Variants in SYT1 observed in about 807,000 individuals in gnomAD.
The protein encoded by SYT1 is synaptotagmin 1, also known as synaptotagmin-1.
Under a neutral mutation model 44.8 loss-of-function variants are expected in SYT1, and 8 were observed. The ratio of observed to expected loss-of-function variants is 0.18; its 90% CI spans 0.10 to 0.32. SYT1 has a LOEUF of 0.32. SYT1 is among the 10% of genes least tolerant of loss of function. SYT1 has a pLI of 1.00. For missense variants in SYT1, 286 were observed against 509.3 expected (o/e 0.56, Z 4.22); for synonymous variants, 154 against 188.8 (o/e 0.82, Z 1.51).
intron 2 of SYT1, among the ~76,000 whole-genome samples, chr12:78,997,465 T>A (rs1306175462): frequency 1.3e-5 from 2 of 152,184 alleles, no homozygotes; most frequent in African/African-American, 4.8e-5. Context: ...TAAATAATTA[T>A]GCCTTGAGAG....
At chr12:79,220,257 G>A (rs1459046457) in intron 4 of SYT1, among the ~76,000 whole-genome samples, 1 of 151,888 alleles carries the variant, frequency 6.6e-6, no homozygotes, top group African/African-American at 2.4e-5. Context: ...TGTATCAGTT[G>A]CAATATCTCC....
intron 4 of SYT1, among the ~76,000 whole-genome samples, chr12:79,276,721 C>T (rs758520469): frequency 1.7e-4 from 25 of 150,668 alleles, no homozygotes; most frequent in Non-Finnish European, 3.0e-4. Flanking sequence ...AAAAGACTTG[C>T]TTAGGGAATT....
intron 3 of SYT1, among the ~76,000 whole-genome samples, chr12:79,104,456 G>C (rs1257975860): frequency 1.3e-5 from 2 of 151,996 alleles, no homozygotes; most frequent in African/African-American, 2.4e-5. Context: ...AGAAAAAAGT[G>C]ACCATAAAAA....
rs1462065302 is a variant in SYT1, at chr12:79,397,824, T to A, written c.928+44205T>A. Among the ~76,000 whole-genome samples, 3 of 152,210 alleles carry A rather than the reference T, an allele frequency of 2.0e-5. No homozygotes were observed. In the East Asian group the frequency reaches 5.8e-4, roughly 29 times the overall value. ...CCTGATAGATTTTTCCGAGTATATG[T>A]GAACTCCTAATCCAAACAGCTTTTC... On this transcript the variant is annotated intron_variant, in intron 9 of 10. Transcript: ENST00000261205.
chr12:78,986,618 T>C (rs2137463421), intron 2 of SYT1, among the ~76,000 whole-genome samples: 1 of 152,152 alleles, frequency 6.6e-6, no homozygotes, highest in Middle Eastern at 3.4e-3. Context: ...GCATTTCTCC[T>C]GACAGGGGAA....
At chr12:79,147,733 G>A (rs1406266697) in intron 3 of SYT1, among the ~76,000 whole-genome samples, 5 of 152,080 alleles carry the variant, frequency 3.3e-5, no homozygotes, top group African/African-American at 1.2e-4. Context: ...TATACCTAAT[G>A]AGTTCATAAA....
rs549335401 is a variant in SYT1, at chr12:79,419,121, C to T, written c.929-24952C>T. 3.9e-4 allele frequency: 146 copies of T among 376,476 alleles called. 3 individuals are homozygous for T. Among genetic ancestry groups the T allele is most frequent in the African/African-American group, 2.3e-3 (108 of 45,988 alleles). 23.3% of individuals were successfully genotyped at this position (376,476 alleles called of 1,614,324 possible). On this transcript the variant is annotated intron_variant, in intron 9 of 10. Transcript: ENST00000261205. The stretch of plus-strand genomic sequence containing the variant: ...TGAGTCTTACTTATTTTAGGCAAAA[C>T]GAAACCAATAGAAAGTTTTGCCTTT...
intron 3 of SYT1, among the ~76,000 whole-genome samples, chr12:79,150,467 T>A (rs1260063893): frequency 6.6e-6 from 1 of 152,180 alleles, no homozygotes; most frequent in Non-Finnish European, 1.5e-5. Flanking sequence ...GTAGTGGGAC[T>A]TTGGTCAAAG....
chr12:79,289,748 A>G (rs949573764), intron 5 of SYT1, among the ~76,000 whole-genome samples: 2 of 152,118 alleles, frequency 1.3e-5, no homozygotes, highest in Non-Finnish European at 2.9e-5. Context: ...TTTTTTAAAA[A>G]CCAAAATCTT....
At chr12:78,966,849 CATT>C (rs1288300589) in intron 1 of SYT1, among the ~76,000 whole-genome samples, 2 of 152,078 alleles carry the variant, frequency 1.3e-5, no homozygotes, top group Non-Finnish European at 2.9e-5. Context: ...TAAGAGAAAT[CATT>C]GTTGATTTCT....
chr12:78,898,909 G>A (rs1044284882), intron 1 of SYT1, among the ~76,000 whole-genome samples: 1 of 152,018 alleles, frequency 6.6e-6, no homozygotes, highest in Non-Finnish European at 1.5e-5. Context: ...TCTTTAAAAA[G>A]CATGTTTTCC....
At chr12:78,935,470 A>G (rs890841703) in intron 1 of SYT1, among the ~76,000 whole-genome samples, 1 of 152,192 alleles carries the variant, frequency 6.6e-6, no homozygotes, top group Non-Finnish European at 1.5e-5. Flanking sequence ...AAGGCTATAT[A>G]CTAAGTTATA....
At chr12:79,393,561 A>G (rs1884752947) in intron 9 of SYT1, 1 of 152,152 alleles carries the variant, frequency 6.6e-6, no homozygotes, top group Admixed American at 6.5e-5. Context: ...ACCAGTGATG[A>G]TGAGCATTTT....
intron 4 of SYT1, among the ~76,000 whole-genome samples, chr12:79,221,029 G>C (rs1273071690): frequency 6.6e-6 from 1 of 151,988 alleles, no homozygotes. Context: ...GGGGTGTTAA[G>C]TCATTATTAT....
chr12:79,351,097 A>C (rs1882879441), intron 8 of SYT1, among the ~76,000 whole-genome samples: 4 of 152,096 alleles, frequency 2.6e-5, no homozygotes, highest in Admixed American at 1.3e-4. Flanking sequence ...GGGTGCTTTA[A>C]AAAAGCACTT....
At chr12:78,943,361 A>G (rs944229237) in intron 1 of SYT1, among the ~76,000 whole-genome samples, 1 of 152,178 alleles carries the variant, frequency 6.6e-6, no homozygotes, top group African/African-American at 2.4e-5. Context: ...GAAGCTTACA[A>G]TCATGGCAGA....
chr12:79,029,401 T>G (rs1346605053), intron 2 of SYT1, among the ~76,000 whole-genome samples: 1 of 148,602 alleles, frequency 6.7e-6, no homozygotes, highest in Non-Finnish European at 1.5e-5. Flanking sequence ...TTCTGGAAAG[T>G]TGTAGTGCTG....
chr12:79,123,971 C>T (rs1868329118), intron 3 of SYT1, among the ~76,000 whole-genome samples: 1 of 152,146 alleles, frequency 6.6e-6, no homozygotes, highest in South Asian at 2.1e-4. Context: ...TGTTATTGCT[C>T]TTGTGTTTTT....
chr12:78,991,348 T>C (rs760789449), intron 2 of SYT1, among the ~76,000 whole-genome samples: 28 of 152,220 alleles, frequency 1.8e-4, no homozygotes, highest in Non-Finnish European at 3.4e-4. Flanking sequence ...AACTCAAATC[T>C]TTATATTTTA....
Sources: gnomAD v4.1 joint callset for allele counts (sites outside exome capture counted in the v4.1 genomes callset) on GRCh38, gnomAD v4.1.1 for gene constraint, MANE v1.5 for transcripts, NCBI Gene and HGNC (gene_info 2026-07-23, HGNC 2026-07-21) for gene names.